Variants in NCOA1 observed in about 807,000 individuals in gnomAD.
NCOA1 encodes nuclear receptor coactivator 1, also known as Hin-2 protein.
Under a neutral mutation model 150.9 loss-of-function variants are expected in NCOA1, and 35 were observed. The ratio of observed to expected loss-of-function variants is 0.23; its 90% CI spans 0.18 to 0.31. The LOEUF (loss-of-function observed/expected upper bound fraction) is 0.31, where lower values mean the gene tolerates loss of function less well. Among genes scored for constraint, NCOA1 ranks in the 10% least tolerant of loss-of-function variants. The probability of loss-of-function intolerance (pLI) is 1.00; values close to 1 mark genes in which losing one functional copy is unlikely to be tolerated. For synonymous variants in NCOA1, 590 were observed against 630.0 expected (o/e 0.94, Z 0.95); for missense variants, 1,491 against 1,749.3 (o/e 0.85, Z 2.63).
chr2:24,536,402 C>T (rs753891443), intron 1 of NCOA1, among the ~76,000 whole-genome samples: 1 of 152,132 alleles, frequency 6.6e-6, no homozygotes, highest in Admixed American at 6.5e-5. Flanking sequence ...AGAACATGCT[C>T]CTTTAGCTCG....
chr2:24,693,070 G>A (rs985460712), intron 9 of NCOA1, among the ~76,000 whole-genome samples, 182 bp from the exon 10 acceptor site: 1 of 152,154 alleles, frequency 6.6e-6, no homozygotes, highest in Non-Finnish European at 1.5e-5. Flanking sequence ...CACCGTGTTA[G>A]CCAGCATGGT....
At chr2:24,702,569 TC>T (rs1435973525) in intron 11 of NCOA1, among the ~76,000 whole-genome samples, 1 of 152,160 alleles carries the variant, frequency 6.6e-6, no homozygotes, top group African/African-American at 2.4e-5. Flanking sequence ...GCTTTGTAGC[TC>T]TGTTGAGGCC....
chr2:24,713,171 C>T (rs949645086), intron 14 of NCOA1, among the ~76,000 whole-genome samples: 7 of 152,200 alleles, frequency 4.6e-5, no homozygotes, highest in African/African-American at 1.7e-4. Context: ...GCAGAGGTTG[C>T]AGTCAGCTGA....
intron 20 of NCOA1, among the ~76,000 whole-genome samples, chr2:24,756,029 G>T: frequency 7.0e-6 from 1 of 143,742 alleles, no homozygotes. Context: ...AGGTCAGGAG[G>T]TTGAGACCAG....
intron 1 of NCOA1, among the ~76,000 whole-genome samples, chr2:24,533,202 C>T (rs985980797): frequency 2.0e-5 from 3 of 152,058 alleles, no homozygotes; most frequent in African/African-American, 7.2e-5. Context: ...GTATTTTATT[C>T]TCTTTGTAGC....
intron 14 of NCOA1, among the ~76,000 whole-genome samples, chr2:24,724,079 T>TG (rs1674489248): frequency 1.3e-5 from 2 of 149,516 alleles, no homozygotes; most frequent in African/African-American, 2.5e-5. Flanking sequence ...TTTTTGTTTG[T>TG]TTTTTGTTTT....
chr2:24,698,534 C>T (rs759335556), intron 11 of NCOA1, among the ~76,000 whole-genome samples: 1 of 151,986 alleles, frequency 6.6e-6, no homozygotes, highest in Non-Finnish European at 1.5e-5. Context: ...ACTACAGGAA[C>T]GATAGGAAAA....
intron 3 of NCOA1, among the ~76,000 whole-genome samples, chr2:24,637,735 G>A (rs1670003753): frequency 6.6e-6 from 1 of 151,918 alleles, no homozygotes; most frequent in African/African-American, 2.4e-5. Context: ...TGCTCTTCTT[G>A]CCCAGGCTGG....
intron 6 of NCOA1, among the ~76,000 whole-genome samples, chr2:24,669,443 C>T (rs1671587851): frequency 6.6e-6 from 1 of 152,200 alleles, no homozygotes; most frequent in Non-Finnish European, 1.5e-5. Context: ...CACTTCTGTT[C>T]ACGTTCCGTT....
At chr2:24,567,463 T>C (rs1242838997) in intron 2 of NCOA1, among the ~76,000 whole-genome samples, 1 of 152,224 alleles carries the variant, frequency 6.6e-6, no homozygotes, top group Non-Finnish European at 1.5e-5. Context: ...TGTAACTTCA[T>C]TATAAATGGA....
chr2:24,618,579 G>A (rs1668977293), intron 3 of NCOA1, among the ~76,000 whole-genome samples: 1 of 152,070 alleles, frequency 6.6e-6, no homozygotes, highest in African/African-American at 2.4e-5. Context: ...ATGCAGATTT[G>A]GGGTGAGGAG....
rs1312374960 is a variant in NCOA1, at chr2:24,597,169, C to A, written c.-175+12609C>A. On this transcript the variant is annotated intron_variant, in intron 3 of 22. Coordinates refer to ENST00000348332, the MANE Select transcript of NCOA1 (RefSeq NM_003743.5). ...GATATAGGAACCTCAATTATACATC[C>A]TTCCTCTTTGTTCCCATGAATAGTA... is the stretch of plus-strand genomic sequence containing the variant. Among the ~76,000 whole-genome samples, 4 of 152,248 alleles carry A rather than the reference C, an allele frequency of 2.6e-5. No homozygotes were observed. The East Asian group carries it at 7.7e-4, about 29-fold the overall frequency.
At chr2:24,540,965 AT>A (rs2148193664) in intron 1 of NCOA1, among the ~76,000 whole-genome samples, 1 of 152,340 alleles carries the variant, frequency 6.6e-6, no homozygotes, top group South Asian at 2.1e-4. Flanking sequence ...ATGGTAGCAA[AT>A]GCAACAGTAA....
intron 3 of NCOA1, among the ~76,000 whole-genome samples, chr2:24,588,645 A>C (rs753633214): frequency 3.3e-5 from 5 of 152,174 alleles, no homozygotes; most frequent in African/African-American, 1.2e-4. Context: ...ACTGGCCATC[A>C]TTGGTGTTTT....
intron 2 of NCOA1, among the ~76,000 whole-genome samples, chr2:24,570,865 G>C (rs202009817): frequency 2.0e-5 from 3 of 152,172 alleles, no homozygotes; most frequent in Admixed American, 6.5e-5. Flanking sequence ...GCAAATTGTA[G>C]GGAGAAAAAA....
At chr2:24,591,368 A>T (rs1305645422) in intron 3 of NCOA1, among the ~76,000 whole-genome samples, 1 of 152,172 alleles carries the variant, frequency 6.6e-6, no homozygotes, top group Non-Finnish European at 1.5e-5. Flanking sequence ...AAGTTTCTTG[A>T]TCTCTCTGTG....
At chr2:24,679,515 A>G (rs796903979) in intron 7 of NCOA1, among the ~76,000 whole-genome samples, 8 of 152,336 alleles carry the variant, frequency 5.3e-5, no homozygotes, top group African/African-American at 1.9e-4. Context: ...TTATAAGTAT[A>G]TATTTATAAT....
chr2:24,540,139 C>T (rs190815588), intron 1 of NCOA1, among the ~76,000 whole-genome samples: 52 of 152,170 alleles, frequency 3.4e-4, no homozygotes, highest in Non-Finnish European at 5.4e-4. Flanking sequence ...GTAACAGAAT[C>T]CCAAGTACAA....
At chr2:24,657,228 C>T (rs1028679745) in intron 4 of NCOA1, among the ~76,000 whole-genome samples, 3 of 130,370 alleles carry the variant, frequency 2.3e-5, no homozygotes, top group African/African-American at 7.6e-5. Context: ...AGCAGGGATG[C>T]TTTTGCTGCT....
Sources: allele counts gnomAD v4.1 joint callset (sites outside exome capture counted in the v4.1 genomes callset), GRCh38; gene constraint gnomAD v4.1.1; transcripts MANE v1.5; gene names NCBI Gene and HGNC (gene_info 2026-07-23, HGNC 2026-07-21).